The following LYN variants were observed in gnomAD, a reference collection of about 807,000 sequenced individuals.
LYN encodes LYN proto-oncogene, Src family tyrosine kinase, also known as tyrosine-protein kinase Lyn.
A neutral mutation model predicts 65.0 loss-of-function variants in LYN; 12 were observed. The observed-to-expected ratio is 0.18, with a 90% confidence interval of 0.12 to 0.30. LYN has a LOEUF of 0.30. Ranked by LOEUF, LYN falls within the 10% of genes least tolerant of loss-of-function variation. LYN has a pLI of 1.00. For synonymous variants in LYN, 222 were observed against 221.2 expected (o/e 1.00, Z -0.03); for missense variants, 380 against 623.2 (o/e 0.61, Z 4.16).
chr8:55,923,865 G>A (rs1346976557), intron 1 of LYN, among the ~76,000 whole-genome samples: 1 of 150,674 alleles, frequency 6.6e-6, no homozygotes, highest in Non-Finnish European at 1.5e-5. Context: ...ATAAATGTTT[G>A]TTATAATGAC....
intron 8 of LYN, among the ~76,000 whole-genome samples, chr8:55,962,877 G>A (rs1018429773): frequency 6.6e-6 from 1 of 152,178 alleles, no homozygotes; most frequent in African/African-American, 2.4e-5. Flanking sequence ...ATTCAAAAAG[G>A]AAGGCAAAAG....
chr8:55,999,398 C>T lies in LYN; in HGVS notation c.1205-20C>T, dbSNP rs549770853. 6.2e-7 allele frequency: 1 copy of T among 1,609,916 alleles called. No individual in the cohort carries two copies. Among genetic ancestry groups the T allele is most frequent in the East Asian group, 2.2e-5 (1 of 44,842 alleles). On this transcript the variant is annotated intron_variant, in intron 11 of 12. Transcript: ENST00000519728. Reference sequence around the variant, plus strand: ...TTAAGTTTAAATACCCAAGTAAGAACCACATATCTTCTTCCTTAGGTGCTA... The same window carrying T: ...TTAAGTTTAAATACCCAAGTAAGAATCACATATCTTCTTCCTTAGGTGCTA...
intron 1 of LYN, among the ~76,000 whole-genome samples, chr8:55,922,624 G>A (rs987122081): frequency 4.6e-5 from 7 of 152,006 alleles, no homozygotes; most frequent in South Asian, 4.1e-4. Flanking sequence ...AAAATTAGCC[G>A]GGAGTGGTGG....
At chr8:55,958,869 A>G (rs1349242328) in intron 8 of LYN, among the ~76,000 whole-genome samples, 2 of 152,218 alleles carry the variant, frequency 1.3e-5, no homozygotes, top group African/African-American at 2.4e-5. Context: ...TTGATGGACA[A>G]TTAGGTTGTT....
chr8:55,910,566 G>A (rs1310323820), intron 1 of LYN, among the ~76,000 whole-genome samples: 2 of 152,120 alleles, frequency 1.3e-5, no homozygotes, highest in African/African-American at 4.8e-5. Flanking sequence ...AGAATAATTT[G>A]AAGTCAAGTA....
At chr8:55,983,263 G>T (rs977353482) in intron 10 of LYN, among the ~76,000 whole-genome samples, 7 of 152,044 alleles carry the variant, frequency 4.6e-5, no homozygotes, top group Admixed American at 2.6e-4. Flanking sequence ...TCTCTCTGTG[G>T]ATTCCCTGCT....
chr8:55,948,372 T>C (rs991352862), intron 4 of LYN, among the ~76,000 whole-genome samples: 1 of 152,188 alleles, frequency 6.6e-6, no homozygotes, highest in African/African-American at 2.4e-5. Flanking sequence ...GTTATATTAC[T>C]CATGTTTAGA....
intron 12 of LYN, among the ~76,000 whole-genome samples, chr8:56,007,980 A>AT (rs1808715362): frequency 6.6e-6 from 1 of 151,868 alleles, no homozygotes; most frequent in Admixed American, 6.6e-5. Context: ...TTAGCCGGGC[A>AT]TGGTAGTGGG....
chr8:55,948,163 G>A lies in LYN; in HGVS notation c.284+440G>A, dbSNP rs532104632. 2.0e-5 allele frequency among the ~76,000 whole-genome samples: 3 copies of A among 152,158 alleles called. No homozygotes were observed. The South Asian group carries it at 6.2e-4, about 32-fold the overall frequency. ...TAATTTTTAAAATTTTTGTAGAGAT[G>A]GGATCTTGTTATGTTGCCCAGGCTG... On this transcript the variant is annotated intron_variant, in intron 4 of 12. Transcript: ENST00000519728.
At chr8:55,924,529 T>A (rs76404221) in intron 1 of LYN, among the ~76,000 whole-genome samples, 6,877 of 151,080 alleles carry the variant, frequency 0.046, 187 homozygotes, top group African/African-American at 0.081. Context: ...ATGCCCGGCT[T>A]ATTTTTGTAT....
At chr8:55,985,115 A>G (rs534517629) in intron 10 of LYN, among the ~76,000 whole-genome samples, 1 of 152,340 alleles carries the variant, frequency 6.6e-6, no homozygotes, top group South Asian at 2.1e-4. Flanking sequence ...TAGGTCACGC[A>G]TCTTGCAAGG....
chr8:55,971,994 G>A (rs1037858053), intron 10 of LYN, among the ~76,000 whole-genome samples: 1 of 152,096 alleles, frequency 6.6e-6, no homozygotes. Flanking sequence ...GAGCCCCCTC[G>A]GTGACAGGAG....
chr8:55,952,515 G>A (rs755528329), intron 7 of LYN, among the ~76,000 whole-genome samples: 13 of 152,134 alleles, frequency 8.5e-5, no homozygotes, highest in African/African-American at 1.7e-4. Flanking sequence ...AGCTGAGATC[G>A]CGCCACTGCA....
chr8:55,945,878 G>T (rs915348653), intron 2 of LYN, among the ~76,000 whole-genome samples: 10 of 152,324 alleles, frequency 6.6e-5, no homozygotes, highest in Non-Finnish European at 1.0e-4. Flanking sequence ...GGAAGCCTCA[G>T]ATGGGCAGTC....
intron 1 of LYN, among the ~76,000 whole-genome samples, chr8:55,941,570 G>T (rs1351385744): frequency 6.6e-6 from 1 of 152,090 alleles, no homozygotes; most frequent in African/African-American, 2.4e-5. Flanking sequence ...GATCCTGTGG[G>T]TCCTCTGTCA....
chr8:55,941,202 G>T (rs1186217285), intron 1 of LYN, among the ~76,000 whole-genome samples: 1 of 152,120 alleles, frequency 6.6e-6, no homozygotes, highest in African/African-American at 2.4e-5. Context: ...GCACACTGCA[G>T]ATTGGATGTG....
intron 3 of LYN, among the ~76,000 whole-genome samples, chr8:55,947,372 T>C (rs1806809193): frequency 6.6e-6 from 1 of 152,248 alleles, no homozygotes; most frequent in African/African-American, 2.4e-5. Context: ...TATAATTTCT[T>C]AAATATAGAG....
chr8:56,005,700 A>G (rs1808653463), intron 12 of LYN, among the ~76,000 whole-genome samples: 1 of 152,220 alleles, frequency 6.6e-6, no homozygotes, highest in Admixed American at 6.5e-5. Flanking sequence ...CAGAAAAAAG[A>G]AAATAGTGAG....
At chr8:55,937,287 G>A (rs1380348156) in intron 1 of LYN, among the ~76,000 whole-genome samples, 1 of 152,092 alleles carries the variant, frequency 6.6e-6, no homozygotes, top group Admixed American at 6.6e-5. Context: ...TATATGGATT[G>A]TGTACATATA....
Sources: allele counts gnomAD v4.1 joint callset (sites outside exome capture counted in the v4.1 genomes callset), GRCh38; gene constraint gnomAD v4.1.1; transcripts MANE v1.5; gene names NCBI Gene and HGNC (gene_info 2026-07-23, HGNC 2026-07-21).